SIPA1L3: variants seen among roughly 807,000 people sequenced by gnomAD.
SIPA1L3 encodes signal induced proliferation associated 1 like 3.
A neutral mutation model predicts 150.1 loss-of-function variants in SIPA1L3; 59 were observed. The observed-to-expected ratio is 0.39, with a 90% CI of 0.32 to 0.49. The LOEUF (loss-of-function observed/expected upper bound fraction) is 0.49, where lower values mean the gene tolerates loss of function less well. Ranked by LOEUF, SIPA1L3 falls within the 20% of genes least tolerant of loss-of-function variation. The pLI is 0.86. For synonymous variants in SIPA1L3, 1,070 were observed against 1,077.6 expected, an observed-to-expected ratio of 0.99 and a Z score of 0.14; for missense variants, 2,211 against 2,489.5, an observed-to-expected ratio of 0.89 and a Z score of 2.38.
intron 2 of SIPA1L3, among the ~76,000 whole-genome samples, chr19:38,073,918 A>G (rs1416236004): frequency 6.6e-6 from 1 of 152,218 alleles, no homozygotes; most frequent in Non-Finnish European, 1.5e-5. Flanking sequence ...ACTTCTGCCA[A>G]AGATACACAA....
chr19:38,174,573 C>T (rs1367241007), intron 15 of SIPA1L3, among the ~76,000 whole-genome samples: 2 of 152,134 alleles, frequency 1.3e-5, no homozygotes, highest in African/African-American at 4.8e-5. Context: ...ATCTGTCAAC[C>T]AGACACGGTG....
chr19:38,122,460 C>A (rs1486415881), intron 9 of SIPA1L3, among the ~76,000 whole-genome samples: 3 of 152,140 alleles, frequency 2.0e-5, no homozygotes, highest in Admixed American at 6.5e-5. Context: ...AGAGCCCTCA[C>A]CCTGGAGCGA....
chr19:38,009,058 G>A lies in SIPA1L3; in HGVS notation c.-378-20031G>A, dbSNP rs138944717. On this transcript the variant is annotated intron_variant, in intron 1 of 21. Coordinates refer to ENST00000222345, the MANE Select transcript of SIPA1L3 (RefSeq NM_015073.3). ...TGTTTTCGTTTGTTTGGTTTTGAGA[G>A]GAGTCTTGCTCTGTCACCCAGGCTG... 1.4e-3 allele frequency among the ~76,000 whole-genome samples: 216 copies of A among 151,940 alleles called. 1 individual carries two copies. The East Asian group carries it at 0.034, about 24-fold the overall frequency.
chr19:38,132,750 C>T (rs962150085), intron 10 of SIPA1L3, among the ~76,000 whole-genome samples: 2 of 151,132 alleles, frequency 1.3e-5, no homozygotes, highest in Admixed American at 6.6e-5. Context: ...TGGGTTCCAG[C>T]GATTCTCCTG....
chr19:37,972,858 C>T (rs1304755955), intron 1 of SIPA1L3, among the ~76,000 whole-genome samples: 1 of 152,100 alleles, frequency 6.6e-6, no homozygotes, highest in Non-Finnish European at 1.5e-5. Flanking sequence ...AGAGGTAATT[C>T]TGCCCCCTTC....
At position 38,000,912 on chromosome 19, in the gene SIPA1L3, C is replaced by T. The variant is rs200692023; in HGVS notation, c.-378-28177C>T. ...ATATATGTTATATATATATATATAACATATATATAACATATATATAACATA... is the reference window on the plus strand; with the variant it reads ...ATATATGTTATATATATATATATAATATATATATAACATATATATAACATA... On this transcript the variant is annotated intron_variant, in intron 1 of 21. Coordinates refer to ENST00000222345, the MANE Select transcript of SIPA1L3 (RefSeq NM_015073.3). 5.3e-3 allele frequency among the ~76,000 whole-genome samples: 728 copies of T among 137,978 alleles called. 4 individuals carry two copies. Among genetic ancestry groups the T allele is most frequent in the Middle Eastern group, 0.011 (3 of 272 alleles). The allele number at this position is 137,978 out of a possible 152,430, so 90.5% of individuals were successfully genotyped here.
chr19:38,077,684 T>TTTTTTTTTTTTTTG (rs1969876573), intron 2 of SIPA1L3, among the ~76,000 whole-genome samples: 1 of 120,150 alleles, frequency 8.3e-6, no homozygotes, highest in Non-Finnish European at 1.7e-5. Context: ...TTTTTTTTTT[T>TTTTTTTTTTTTTTG]TTTTGAGATG....
intron 1 of SIPA1L3, among the ~76,000 whole-genome samples, chr19:38,018,651 T>C (rs930413889): frequency 7.2e-5 from 11 of 152,220 alleles, no homozygotes; most frequent in African/African-American, 2.7e-4. Flanking sequence ...TTTTGTTAAT[T>C]CTTCAGCTAA....
At chr19:38,113,865 G>A (rs1970824165) in intron 8 of SIPA1L3, among the ~76,000 whole-genome samples, 1 of 152,102 alleles carries the variant, frequency 6.6e-6, no homozygotes, top group Admixed American at 6.6e-5. Context: ...GTGACCACCA[G>A]GTCCCCTCGT....
intron 2 of SIPA1L3, among the ~76,000 whole-genome samples, chr19:38,036,405 C>T (rs981649530): frequency 6.6e-6 from 1 of 152,228 alleles, no homozygotes; most frequent in African/African-American, 2.4e-5. Context: ...GGACACTTGG[C>T]TGTGATCCCT....
At chr19:38,025,044 T>C (rs1421946800) in intron 1 of SIPA1L3, among the ~76,000 whole-genome samples, 1 of 152,144 alleles carries the variant, frequency 6.6e-6, no homozygotes, top group Non-Finnish European at 1.5e-5. Context: ...CCACCTCTGC[T>C]CACCCTCAGG....
intron 1 of SIPA1L3, among the ~76,000 whole-genome samples, chr19:37,909,901 C>T (rs1041022090): frequency 6.6e-6 from 1 of 151,554 alleles, no homozygotes; most frequent in Non-Finnish European, 1.5e-5. Flanking sequence ...AACCGGTGGC[C>T]TCAATCACAT....
chr19:38,192,021 TG>T, intron 16 of SIPA1L3, 123 bp from the exon 17 acceptor site: 3 of 846,352 alleles, frequency 3.5e-6, no homozygotes, highest in Non-Finnish European at 5.4e-6. Context: ...ACGCGTTTGC[TG>T]GGTGAAGGAG....
At chr19:38,070,121 C>A (rs1162340951) in intron 2 of SIPA1L3, among the ~76,000 whole-genome samples, 4 of 152,146 alleles carry the variant, frequency 2.6e-5, no homozygotes, top group East Asian at 3.9e-4. Flanking sequence ...TCTCTTCTTG[C>A]AGATCCTGGT....
At chr19:38,193,455 T>G in intron 17 of SIPA1L3, 82 bp from the exon 18 acceptor site, 2 of 1,379,880 alleles carry the variant, frequency 1.4e-6, no homozygotes, top group Non-Finnish European at 9.3e-7. Flanking sequence ...GCCACCAATG[T>G]CCTAGAGGGG....
intron 4 of SIPA1L3, 149 bp from the exon 5 acceptor site, chr19:38,099,813 T>C (rs1295441087): frequency 4.8e-6 from 3 of 622,998 alleles, no homozygotes; most frequent in Non-Finnish European, 7.9e-6. Context: ...CAGGTTCAAG[T>C]TCTGGCTCAG....
intron 12 of SIPA1L3, 47 bp from the exon 13 acceptor site, chr19:38,152,793 C>T (rs747998771): frequency 6.4e-7 from 1 of 1,565,928 alleles, no homozygotes; most frequent in Non-Finnish European, 8.7e-7. Flanking sequence ...TGGTTTTCGA[C>T]ATAGGCTGAT....
chr19:38,060,410 G>A (rs1969421378), intron 2 of SIPA1L3, among the ~76,000 whole-genome samples: 1 of 152,192 alleles, frequency 6.6e-6, no homozygotes, highest in Non-Finnish European at 1.5e-5. Flanking sequence ...AATCCAACAT[G>A]GATATTCTTA....
chr19:38,207,303 C>T lies in SIPA1L3; in HGVS notation c.*1063C>T, dbSNP rs1265620498. On this transcript the variant is annotated 3_prime_UTR_variant, in exon 22 of 22. Transcript: ENST00000222345. ...ATGCTCCCCGGGGAGCACTGCACCC[C>T]GCGAACCCCACTGGACGCTGGTTCT... 3 of 151,702 alleles carry T rather than the reference C, an allele frequency of 2.0e-5. No homozygotes were observed. Among genetic ancestry groups the T allele is most frequent in the South Asian group, 2.1e-4 (1 of 4,800 alleles). The allele number at this position is 151,702 out of a possible 1,614,324, so 9.4% of individuals were successfully genotyped here. A position where few individuals can be genotyped will look rare whatever the true frequency, so the allele number is the denominator to read the frequency against.
Sources: gnomAD v4.1 joint callset for allele counts (sites outside exome capture counted in the v4.1 genomes callset) on GRCh38, gnomAD v4.1.1 for gene constraint, MANE v1.5 for transcripts, NCBI Gene and HGNC (gene_info 2026-07-23, HGNC 2026-07-21) for gene names.